Variants in HEMK2 observed in about 807,000 individuals in gnomAD.
HEMK2 encodes the protein methyltransferase HEMK2.
At chr21:28,778,196 A>G in the HEMK2 span, among the ~76,000 whole-genome samples, 4 of 152,228 alleles carry the variant, frequency 2.6e-5, no homozygotes, top group East Asian at 7.7e-4. Context: ...TCAAAATGTT[A>G]TATAAGTGGG....
the HEMK2 span, among the ~76,000 whole-genome samples, chr21:28,856,118 T>C: frequency 6.6e-6 from 1 of 152,158 alleles, no homozygotes; most frequent in Non-Finnish European, 1.5e-5. Context: ...GGCAGCTTTT[T>C]TACAAGTTAT....
chr21:28,659,718 T>G, the HEMK2 span, among the ~76,000 whole-genome samples: 1 of 152,082 alleles, frequency 6.6e-6, no homozygotes, highest in Admixed American at 6.6e-5. Context: ...TTTTCCACAA[T>G]CCACTAACCA....
chr21:28,805,823 T>C, the HEMK2 span, among the ~76,000 whole-genome samples: 2 of 152,220 alleles, frequency 1.3e-5, no homozygotes, highest in East Asian at 1.9e-4. Flanking sequence ...CTGAAACTAA[T>C]GTATTTATAG....
chr21:28,674,044 T>C, the HEMK2 span, among the ~76,000 whole-genome samples: 1 of 152,084 alleles, frequency 6.6e-6, no homozygotes, highest in Non-Finnish European at 1.5e-5. Flanking sequence ...CAGCAAAAGA[T>C]ACAGGTCACA....
chr21:28,830,678 C>G, the HEMK2 span, among the ~76,000 whole-genome samples: 1 of 152,066 alleles, frequency 6.6e-6, no homozygotes, highest in Non-Finnish European at 1.5e-5. Context: ...GAGATCAAGA[C>G]CATTCTGGCT....
chr21:28,710,293 G>C, the HEMK2 span, among the ~76,000 whole-genome samples: 2 of 152,170 alleles, frequency 1.3e-5, no homozygotes, highest in Non-Finnish European at 2.9e-5. Flanking sequence ...TAAACTGCTG[G>C]ACTGCATTGG....
chr21:28,766,967 T>C, the HEMK2 span, among the ~76,000 whole-genome samples: 7 of 152,046 alleles, frequency 4.6e-5, no homozygotes, highest in African/African-American at 7.2e-5. Flanking sequence ...ATCCAAGTGA[T>C]ACGGTTTGGC....
chr21:28,577,564 T>C, the HEMK2 span, among the ~76,000 whole-genome samples: 1 of 152,204 alleles, frequency 6.6e-6, no homozygotes, highest in African/African-American at 2.4e-5. Flanking sequence ...CAACTTTTTA[T>C]TTCCAAAACC....
At chr21:28,687,170 C>A in the HEMK2 span, among the ~76,000 whole-genome samples, 2 of 152,204 alleles carry the variant, frequency 1.3e-5, no homozygotes, top group East Asian at 3.8e-4. Flanking sequence ...AAAGTTAATG[C>A]CTTAGCTAAA....
At chr21:28,842,223 G>C in the HEMK2 span, among the ~76,000 whole-genome samples, 1 of 151,974 alleles carries the variant, frequency 6.6e-6, no homozygotes, top group Admixed American at 6.6e-5. Context: ...GGTGTTATTG[G>C]CATCATTATT....
chr21:28,874,324 G>C, the HEMK2 span: 5 of 152,238 alleles, frequency 3.3e-5, no homozygotes, highest in African/African-American at 7.2e-5. Context: ...TCTGTATCCA[G>C]AGTAAGATCT....
chr21:28,659,561 T>C, the HEMK2 span, among the ~76,000 whole-genome samples: 1 of 152,060 alleles, frequency 6.6e-6, no homozygotes, highest in African/African-American at 2.4e-5. Context: ...GAGTATGAAA[T>C]TCCCTTCCAT....
chr21:28,743,612 G>A, the HEMK2 span, among the ~76,000 whole-genome samples: 3 of 152,230 alleles, frequency 2.0e-5, no homozygotes, highest in East Asian at 1.9e-4. Flanking sequence ...GGAAGGGAGG[G>A]AGGAAAGAAA....
the HEMK2 span, among the ~76,000 whole-genome samples, chr21:28,767,996 G>C: frequency 6.6e-6 from 1 of 151,908 alleles, no homozygotes; most frequent in African/African-American, 2.4e-5. Context: ...TTAGTTATTC[G>C]GGTCCATATG....
the HEMK2 span, among the ~76,000 whole-genome samples, chr21:28,658,325 C>T: frequency 6.6e-6 from 1 of 151,998 alleles, no homozygotes; most frequent in South Asian, 2.1e-4. Context: ...ATTAAAAATG[C>T]CCGAAACCAA....
chr21:28,882,240 T>C, the HEMK2 span: 3 of 1,611,528 alleles, frequency 1.9e-6, no homozygotes, highest in Non-Finnish European at 2.5e-6. Context: ...TCAGGGTTGA[T>C]ATCAGTGCAC....
chr21:28,672,525 C>T, the HEMK2 span, among the ~76,000 whole-genome samples: 1 of 152,124 alleles, frequency 6.6e-6, no homozygotes, highest in Non-Finnish European at 1.5e-5. Context: ...TAGAAAAGAA[C>T]ATGCAAGTTT....
chr21:28,724,808 G>A, the HEMK2 span, among the ~76,000 whole-genome samples: 1 of 151,998 alleles, frequency 6.6e-6, no homozygotes, highest in African/African-American at 2.4e-5. Flanking sequence ...TTGAGACAGG[G>A]TCTCACTCTG....
chr21:28,798,928 C>T, the HEMK2 span, among the ~76,000 whole-genome samples: 60 of 152,318 alleles, frequency 3.9e-4, no homozygotes, highest in African/African-American at 1.3e-3. Context: ...TTTGAGATGT[C>T]TGTGCCTTCC....
Sources: gnomAD v4.1 joint callset for allele counts (sites outside exome capture counted in the v4.1 genomes callset) on GRCh38, gnomAD v4.1.1 for gene constraint, MANE v1.5 for transcripts, NCBI Gene and HGNC (gene_info 2026-07-23, HGNC 2026-07-21) for gene names.